Variants in MEIOC observed in about 807,000 individuals in gnomAD.
MEIOC encodes the protein meiosis-specific coiled-coil domain-containing protein MEIOC.
MEIOC carries 9 observed loss-of-function variants against 85.3 expected under a neutral mutation model. The ratio of observed to expected loss-of-function variants is 0.11; its 90% CI spans 0.06 to 0.18. MEIOC has a LOEUF of 0.18. Among genes scored for constraint, MEIOC ranks in the 10% least tolerant of loss-of-function variants. MEIOC has a pLI of 1.00. For synonymous variants in MEIOC, 365 were observed against 393.7 expected (o/e 0.93, Z 0.86); for missense variants, 898 against 1,129.4 (o/e 0.80, Z 2.94).
At chr17:44,673,836 CTT>C (rs1555668093) in intron 7 of MEIOC, 138 bp from the exon 8 acceptor site, 1 of 996,922 alleles carries the variant, frequency 1.0e-6, no homozygotes, top group Non-Finnish European at 1.4e-6. Flanking sequence ...AAGGACAGGA[CTT>C]TGGTTCAATC....
chr17:44,675,639 C>G lies in MEIOC; in HGVS notation c.*1443C>G. ...GATCACTGATATGCCTTAGAACTACCCAAATGAATTACATTGAGGGTAGTC... is the reference window on the plus strand; with the variant it reads ...GATCACTGATATGCCTTAGAACTACGCAAATGAATTACATTGAGGGTAGTC... On this transcript the variant is annotated 3_prime_UTR_variant, in exon 8 of 8. Coordinates refer to ENST00000409122, the MANE Select transcript of MEIOC (RefSeq NM_001145080.3). 1 of 984,872 alleles carries G rather than the reference C, an allele frequency of 1.0e-6. No individual in the cohort carries two copies. Among genetic ancestry groups the G allele is most frequent in the South Asian group, 4.7e-5 (1 of 21,272 alleles). 61.0% of individuals were successfully genotyped at this position (984,872 alleles called of 1,614,324 possible).
rs958642274 is a variant in MEIOC, at chr17:44,657,184, G to C, written c.127G>C (p.Gly43Arg). 7.1e-6 allele frequency: 11 copies of C among 1,551,788 alleles called. No individual in the cohort carries two copies. The highest frequency in any genetic ancestry group is 2.7e-5 in the African/African-American group (2 of 73,050). Residue 43 changes from glycine to arginine, a missense_variant, in exon 2 of 8, where the codon GGC (glycine) becomes CGC (arginine). By Grantham distance (125) the Gly-to-Arg change is moderately radical. Around this residue, in one of 2 missense-constraint regions of MEIOC, gnomAD observed 734 missense variants for 860.1 expected, o/e 0.85. Coordinates refer to ENST00000409122, the MANE Select transcript of MEIOC (RefSeq NM_001145080.3). ...CTGTTGGAACCTCGGCGCCGACGCC[G>C]GCAGCAGGTTAACCGACGTCTTCGG... ...NRCWNLGADA[G>R]SRLTDVFGSV...
In MEIOC at chr17:44,662,409, A is replaced by G. The variant is rs540374341; in HGVS notation, c.297A>G (p.Pro99=). ...SSVDSSLFCA[P]WSTYGDDIKQ... The stretch of plus-strand genomic sequence containing the variant: ...TAGATTCTTCACTTTTCTGTGCACC[A>G]TGGTCTACTTATGGAGATGACATTA... Residue 99 remains proline (P), a synonymous_variant, in exon 3 of 8, where the codon CCA becomes CCG. Coordinates refer to ENST00000409122, the MANE Select transcript of MEIOC (RefSeq NM_001145080.3). 2.6e-6 allele frequency: 4 copies of G among 1,549,514 alleles called. No homozygotes were observed. The highest frequency in any genetic ancestry group is 4.9e-5 in the East Asian group (2 of 40,870).
chr17:44,675,729 G>A lies in MEIOC; in HGVS notation c.*1533G>A, dbSNP rs2144680657. The A allele has an allele frequency of 5.1e-6, 5 of 976,388 alleles. No homozygotes were observed. Among genetic ancestry groups the A allele is most frequent in the Non-Finnish European group, 6.1e-6 (5 of 821,824 alleles). The allele number at this position is 976,388 out of a possible 1,614,324, so 60.5% of individuals were successfully genotyped here. ...AGTGGTTAAGTTTAACATAAGACATGTTGGATGTTATAAAAACAAATACTG... is the reference window on the plus strand; with the variant it reads ...AGTGGTTAAGTTTAACATAAGACATATTGGATGTTATAAAAACAAATACTG... On this transcript the variant is annotated 3_prime_UTR_variant, in exon 8 of 8. Coordinates refer to ENST00000409122, the MANE Select transcript of MEIOC (RefSeq NM_001145080.3).
chr17:44,660,181 T>G (rs929055231), intron 2 of MEIOC, among the ~76,000 whole-genome samples: 1 of 152,044 alleles, frequency 6.6e-6, no homozygotes, highest in African/African-American at 2.4e-5. Flanking sequence ...ATAAAAGCAA[T>G]TAGAAAATAC....
At chr17:44,673,954 A>AC (rs1324533579) in intron 7 of MEIOC, 22 bp from the exon 8 acceptor site, 2 of 1,546,052 alleles carry the variant, frequency 1.3e-6, no homozygotes, top group Admixed American at 3.9e-5. Context: ...ATATGAAATG[A>AC]CCCTGAATGT....
At position 44,667,117 on chromosome 17, in the gene MEIOC, A is replaced by C; in HGVS notation, c.1206A>C (p.Thr402=). The change falls in exon 5 of 8, where the codon ACA becomes ACC. Residue 402 remains threonine (T), a synonymous_variant. Transcript: ENST00000409122. ...FTFPKTTPHL[T]EKQFAKEAVF... The stretch of plus-strand genomic sequence containing the variant: ...TTCCAAAAACTACGCCACATCTGAC[A>C]GAGAAACAGTTTGCAAAGGAAGCAG... The C allele has an allele frequency of 6.2e-7, 1 of 1,613,916 alleles. No homozygotes were observed. Among genetic ancestry groups the C allele is most frequent in the South Asian group, 1.1e-5 (1 of 91,080 alleles).
Position 44,668,138 on chromosome 17 carries a change from C to A in MEIOC, c.2227C>A (p.Pro743Thr). 1 of 1,613,824 alleles carries A rather than the reference C, an allele frequency of 6.2e-7. No individual in the cohort carries two copies. The highest frequency in any genetic ancestry group is 8.5e-7 in the Non-Finnish European group (1 of 1,179,834). ...GLMPTFGFQRPIKTRSGPASE... is the reference protein window; with the variant it reads ...GLMPTFGFQRTIKTRSGPASE... ...CATGCCAACTTTTGGATTTCAAAGA[C>A]CAATTAAAACCCGTAGTGGACCAGC... is the stretch of plus-strand genomic sequence containing the variant. Residue 743 changes from proline to threonine, a missense_variant, in exon 5 of 8, where the codon CCA becomes ACA. Physicochemically the swap from Pro to Thr is conservative, Grantham distance 38. Transcript: ENST00000409122.
In MEIOC at chr17:44,674,127, A is replaced by C. The variant is rs1205048866; in HGVS notation, c.2790A>C (p.Glu930Asp). The C allele has an allele frequency of 3.2e-6, 5 of 1,551,762 alleles. No homozygotes were observed. Among genetic ancestry groups the C allele is most frequent in the Non-Finnish European group, 2.6e-6 (3 of 1,147,010 alleles). ...CTTTACAAGATACAGTAAACTGTGAAGATAAAGTCCATGAAAGCATAAATA... is the reference window on the plus strand; with the variant it reads ...CTTTACAAGATACAGTAAACTGTGACGATAAAGTCCATGAAAGCATAAATA... ...VKPLQDTVNC[E>D]DKVHESINSS... The change falls in exon 8 of 8, where the codon GAA becomes GAC. Residue 930 changes from glutamate (E) to aspartate (D), a missense_variant. Coordinates refer to ENST00000409122, the MANE Select transcript of MEIOC (RefSeq NM_001145080.3).
intron 1 of MEIOC, 128 bp from the exon 2 acceptor site, chr17:44,656,999 C>T (rs1971768120): frequency 3.6e-6 from 4 of 1,125,374 alleles, no homozygotes; most frequent in African/African-American, 3.2e-5. Context: ...CGGGCCCCCA[C>T]ATTCGTGTCC....
intron 3 of MEIOC, among the ~76,000 whole-genome samples, chr17:44,663,868 C>T (rs1021024563): frequency 6.6e-5 from 10 of 152,066 alleles, no homozygotes; most frequent in Non-Finnish European, 1.3e-4. Context: ...GTCATATACC[C>T]TTGCAAAATA....
intron 5 of MEIOC, 63 bp from the exon 6 acceptor site, chr17:44,669,320 A>G: frequency 7.5e-7 from 1 of 1,332,300 alleles, no homozygotes; most frequent in Admixed American, 2.3e-5. Flanking sequence ...TACGAAAACT[A>G]TTATTCATGG....
In MEIOC at chr17:44,675,388, G is replaced by A; in HGVS notation, c.*1192G>A. ...TATTATGTGACTCAGAAGATCTTGGGTTTTAACATTTCTAGCATGAGTTAA... is the reference window on the plus strand; with the variant it reads ...TATTATGTGACTCAGAAGATCTTGGATTTTAACATTTCTAGCATGAGTTAA... On this transcript the variant is annotated 3_prime_UTR_variant, in exon 8 of 8. Coordinates refer to ENST00000409122, the MANE Select transcript of MEIOC (RefSeq NM_001145080.3). 3 of 972,902 alleles carry A rather than the reference G, an allele frequency of 3.1e-6. No homozygotes were observed. The highest frequency in any genetic ancestry group is 3.7e-6 in the Non-Finnish European group (3 of 818,688). 60.3% of individuals were successfully genotyped at this position (972,902 alleles called of 1,614,324 possible). A position where few individuals can be genotyped will look rare whatever the true frequency, so the allele number is the denominator to read the frequency against.
chr17:44,665,284 A>T, intron 3 of MEIOC, 100 bp from the exon 4 acceptor site: 2 of 881,154 alleles, frequency 2.3e-6, no homozygotes, highest in Non-Finnish European at 3.1e-6. Context: ...GATGGTGTAG[A>T]TTCAGTCCAC....
rs1242058963 is a variant in MEIOC at position 44,657,171 on chromosome 17, C to T, written c.114C>T (p.Leu38=). 4 of 1,551,532 alleles carry T rather than the reference C, an allele frequency of 2.6e-6. No individual in the cohort carries two copies. In the East Asian group the frequency reaches 9.8e-5, roughly 38 times the overall value. ...FPGGANRCWN[L]GADAGSRLTD... ...GAGGTGCGAATCGCTGTTGGAACCT[C>T]GGCGCCGACGCCGGCAGCAGGTTAA... Residue 38 remains leucine (L), a synonymous_variant, in exon 2 of 8, where the codon CTC becomes CTT. Coordinates refer to ENST00000409122, the MANE Select transcript of MEIOC (RefSeq NM_001145080.3).
rs1226824616 is a variant in MEIOC at position 44,673,537 on chromosome 17, G to A, written c.2629G>A (p.Asp877Asn). The A allele has an allele frequency of 6.5e-7, 1 of 1,544,962 alleles. No individual in the cohort carries two copies. The highest frequency in any genetic ancestry group is 1.4e-5 in the African/African-American group (1 of 72,696). ...AAGGCAAGGAGTTCCTAGATGCCAA[G>A]ATGACAGAGGTACAAATATTAATGC... ...RQRQGVPRCQ[D>N]DRDVFALASA... Residue 877 changes from aspartate (D) to asparagine (N), a missense_variant, in exon 7 of 8, where the codon GAT (aspartate) becomes AAT (asparagine). Asp to Asn is a conservative substitution (Grantham distance 23). Transcript: ENST00000409122.
chr17:44,676,517 G>T (rs1311721075), downstream of MEIOC, among the ~76,000 whole-genome samples: 1 of 152,124 alleles, frequency 6.6e-6, no homozygotes. Flanking sequence ...AGAAGATATG[G>T]TTGTTTAAAA....
chr17:44,669,539 C>T (rs1971967698), intron 6 of MEIOC, 22 bp downstream of exon 6: 1 of 1,550,982 alleles, frequency 6.4e-7, no homozygotes, highest in Non-Finnish European at 8.7e-7. Flanking sequence ...AAATAGATAA[C>T]AGTGGATGGA....
chr17:44,663,471 T>G (rs1229921753), intron 3 of MEIOC, among the ~76,000 whole-genome samples: 1 of 152,174 alleles, frequency 6.6e-6, no homozygotes, highest in Non-Finnish European at 1.5e-5. Context: ...AAATTAAAAT[T>G]CTTGGCAAAT....
Sources: gnomAD v4.1 joint callset for allele counts (sites outside exome capture counted in the v4.1 genomes callset) on GRCh38, gnomAD v4.1.1 for gene constraint, gnomAD v4.1.1 regional missense constraint, MANE v1.5 for transcripts, NCBI Gene and HGNC (gene_info 2026-07-23, HGNC 2026-07-21) for gene names.